The following SPHKAP variants were observed in gnomAD, a reference collection of about 807,000 sequenced individuals.
SPHKAP encodes the protein SPHK1 interactor, AKAP domain containing.
SPHKAP carries 67 observed loss-of-function variants against 137.5 expected under a neutral mutation model. The ratio of observed to expected loss-of-function variants is 0.49; its 90% CI spans 0.40 to 0.60. The LOEUF (loss-of-function observed/expected upper bound fraction) is 0.60. Among genes scored for constraint, SPHKAP ranks in the 20% least tolerant of loss-of-function variants. SPHKAP has a pLI of 0.00. For synonymous variants in SPHKAP, 813 were observed against 785.3 expected (o/e 1.04, Z -0.59); for missense variants, 2,097 against 2,069.3 (o/e 1.01, Z -0.26).
chr2:228,039,465 A>G (rs1289729662), intron 3 of SPHKAP, among the ~76,000 whole-genome samples: 1 of 152,200 alleles, frequency 6.6e-6, no homozygotes, highest in Non-Finnish European at 1.5e-5. Context: ...ATGGGTTATT[A>G]GCCAAGTAAT....
At chr2:228,160,571 T>G (rs941941171) in intron 1 of SPHKAP, among the ~76,000 whole-genome samples, 1 of 152,164 alleles carries the variant, frequency 6.6e-6, no homozygotes, top group Non-Finnish European at 1.5e-5. Flanking sequence ...AACAGCAGCA[T>G]GGGGGGTAAT....
chr2:228,154,808 C>A (rs1315533917), intron 1 of SPHKAP, among the ~76,000 whole-genome samples: 2 of 149,798 alleles, frequency 1.3e-5, no homozygotes, highest in Non-Finnish European at 3.0e-5. Context: ...ATCTGCCCAC[C>A]TCAGCCTCCC....
chr2:228,093,288 A>C (rs1697864907), intron 3 of SPHKAP, among the ~76,000 whole-genome samples: 1 of 152,182 alleles, frequency 6.6e-6, no homozygotes, highest in African/African-American at 2.4e-5. Flanking sequence ...CTTGGTTTAT[A>C]CCAAAGAATA....
intron 7 of SPHKAP, among the ~76,000 whole-genome samples, chr2:227,998,500 T>C (rs1693720842): frequency 1.3e-5 from 2 of 152,180 alleles, no homozygotes; most frequent in Non-Finnish European, 2.9e-5. Context: ...TATTTTGCTA[T>C]TGACAGTAAA....
intron 3 of SPHKAP, among the ~76,000 whole-genome samples, chr2:228,064,980 C>T (rs530511055): frequency 6.6e-6 from 1 of 152,306 alleles, no homozygotes; most frequent in East Asian, 1.9e-4. Context: ...ATTTTCCCAC[C>T]TTCCCAAACA....
chr2:228,164,070 A>G (rs146532459), intron 1 of SPHKAP, among the ~76,000 whole-genome samples: 1 of 152,288 alleles, frequency 6.6e-6, no homozygotes, highest in African/African-American at 2.4e-5. Context: ...CAGCACAGCA[A>G]AAACAAAGCA....
intron 1 of SPHKAP, among the ~76,000 whole-genome samples, chr2:228,140,301 T>G (rs1205801994): frequency 6.6e-6 from 1 of 151,832 alleles, no homozygotes; most frequent in Non-Finnish European, 1.5e-5. Context: ...TTTCAGATAG[T>G]CAAAGCACAC....
Position 228,019,997 on chromosome 2 carries a change from G to A in SPHKAP, c.857C>T (p.Ser286Phe). 6.2e-7 allele frequency: 1 copy of A among 1,614,194 alleles called. No homozygotes were observed. The highest frequency in any genetic ancestry group is 2.2e-5 in the East Asian group (1 of 44,876). ...YPTPLIKTER[S>F]PENLTKNTAL... is the part of the protein sequence containing the mutation. The stretch of plus-strand genomic sequence containing the variant: ...TGTGTTCTTTGTTAGGTTTTCTGGA[G>A]ATCGTTCTGTTTTAATCAATGGTGT... Residue 286 changes from serine to phenylalanine, a missense_variant, in exon 7 of 12, where the codon TCT (serine) becomes TTT (phenylalanine). Transcript: ENST00000392056.
chr2:227,999,844 T>C (rs1012893531), intron 7 of SPHKAP, among the ~76,000 whole-genome samples: 7 of 152,236 alleles, frequency 4.6e-5, no homozygotes, highest in African/African-American at 1.7e-4. Flanking sequence ...TCCCCCTTCT[T>C]ATCTTACATG....
intron 1 of SPHKAP, among the ~76,000 whole-genome samples, chr2:228,135,863 T>C (rs1699425109): frequency 6.6e-6 from 1 of 152,182 alleles, no homozygotes; most frequent in South Asian, 2.1e-4. Flanking sequence ...AAATGCATCT[T>C]CTGAAACATA....
At chr2:228,067,619 C>A (rs1035516043) in intron 3 of SPHKAP, among the ~76,000 whole-genome samples, 2 of 152,084 alleles carry the variant, frequency 1.3e-5, no homozygotes, top group African/African-American at 2.4e-5. Context: ...TTCAAATGAG[C>A]ACTTATGCAT....
At chr2:228,128,228 C>T (rs2106370898) in intron 2 of SPHKAP, among the ~76,000 whole-genome samples, 1 of 152,284 alleles carries the variant, frequency 6.6e-6, no homozygotes. Flanking sequence ...AAACTTGCTG[C>T]TGTGTTATCA....
rs776914770 is a variant in SPHKAP, at chr2:228,018,251, G to A, written c.2603C>T (p.Ser868Phe). The A allele has an allele frequency of 1.2e-6, 2 of 1,614,036 alleles. No homozygotes were observed. The highest frequency in any genetic ancestry group is 2.7e-5 in the African/African-American group (2 of 74,928). The change falls in exon 7 of 12, where the codon TCC (serine) becomes TTC (phenylalanine). Residue 868 changes from serine (S) to phenylalanine (F), a missense_variant. Ser to Phe is a radical substitution (Grantham distance 155). Coordinates refer to ENST00000392056, the MANE Select transcript of SPHKAP (RefSeq NM_001142644.2). ...CTCAGCCTCCTGGGAACCACTTCTG[G>A]ACTGGCTGACCGTTGGGGACCTTTG... ...EGQRSPTVSQ[S>F]RSGSQEAEES...
intron 3 of SPHKAP, among the ~76,000 whole-genome samples, chr2:228,097,820 C>T (rs961226684): frequency 3.9e-5 from 6 of 152,112 alleles, no homozygotes; most frequent in African/African-American, 1.4e-4. Context: ...GATTTTATTC[C>T]TTTTATAGCT....
intron 5 of SPHKAP, among the ~76,000 whole-genome samples, chr2:228,023,889 G>A (rs1443229815): frequency 6.6e-6 from 1 of 152,158 alleles, no homozygotes; most frequent in Non-Finnish European, 1.5e-5. Context: ...AAATGGGCAT[G>A]TGACATATGA....
chr2:228,169,782 T>C (rs1296059999), intron 1 of SPHKAP: 11 of 152,006 alleles, frequency 7.2e-5, no homozygotes, highest in African/African-American at 2.7e-4. Context: ...ATTAGAATGA[T>C]ACAGAGAAGA....
intron 3 of SPHKAP, among the ~76,000 whole-genome samples, chr2:228,075,822 G>C (rs139011087): frequency 6.2e-4 from 95 of 152,220 alleles, no homozygotes; most frequent in Middle Eastern, 6.8e-3. Context: ...TACAATAGGA[G>C]GATATATACA....
intron 1 of SPHKAP, among the ~76,000 whole-genome samples, chr2:228,150,572 ATGT>A (rs1699897046): frequency 6.6e-6 from 1 of 151,964 alleles, no homozygotes; most frequent in Non-Finnish European, 1.5e-5. Flanking sequence ...CATTTTAATA[ATGT>A]TATATTATTG....
At chr2:227,989,374 A>G (rs575101384) in intron 11 of SPHKAP, among the ~76,000 whole-genome samples, 2 of 152,232 alleles carry the variant, frequency 1.3e-5, no homozygotes, top group African/African-American at 4.8e-5. Context: ...GCTTGTTGAG[A>G]AGCAAGTAGG....
Sources: gnomAD v4.1 joint callset for allele counts (sites outside exome capture counted in the v4.1 genomes callset) on GRCh38, gnomAD v4.1.1 for gene constraint, MANE v1.5 for transcripts, NCBI Gene and HGNC (gene_info 2026-07-23, HGNC 2026-07-21) for gene names.